ANKS1B: variants seen among roughly 807,000 people sequenced by gnomAD.
ANKS1B encodes ankyrin repeat and sterile alpha motif domain-containing protein 1B.
A neutral mutation model predicts 148.3 loss-of-function variants in ANKS1B; 36 were observed. The ratio of observed to expected loss-of-function variants is 0.24; its 90% CI spans 0.19 to 0.32. The LOEUF (loss-of-function observed/expected upper bound fraction) is 0.32, where lower values mean the gene tolerates loss of function less well. ANKS1B is among the 10% of genes least tolerant of loss of function. The pLI, the probability that ANKS1B is intolerant of heterozygous loss-of-function variation, is 1.00. For missense variants in ANKS1B, 1,157 were observed against 1,542.6 expected, an observed-to-expected ratio of 0.75 and a Z score of 4.19; for synonymous variants, 542 against 560.8, an observed-to-expected ratio of 0.97 and a Z score of 0.47.
chr12:99,466,808 AC>A (rs2096125563), intron 10 of ANKS1B, among the ~76,000 whole-genome samples: 3 of 152,146 alleles, frequency 2.0e-5, no homozygotes, highest in African/African-American at 7.2e-5. Flanking sequence ...TAGCTTACCA[AC>A]CAAAAAGAGT....
intron 16 of ANKS1B, among the ~76,000 whole-genome samples, chr12:99,081,432 T>C (rs2049732347): frequency 6.6e-6 from 1 of 152,176 alleles, no homozygotes; most frequent in South Asian, 2.1e-4. Context: ...TTTTGTCCGT[T>C]TTCTGGCAGT....
At chr12:98,802,823 T>A (rs10492278) in intron 20 of ANKS1B, among the ~76,000 whole-genome samples, 4,594 of 152,062 alleles carry the variant, frequency 0.03, 97 homozygotes, top group South Asian at 0.078. Flanking sequence ...GTTGCTGATT[T>A]ACTTTTACAT....
intron 11 of ANKS1B, among the ~76,000 whole-genome samples, chr12:99,421,657 G>C (rs2095087838): frequency 6.6e-6 from 1 of 152,200 alleles, no homozygotes; most frequent in Non-Finnish European, 1.5e-5. Flanking sequence ...GAGGCTGTTA[G>C]GAGCTTGAAG....
intron 15 of ANKS1B, among the ~76,000 whole-genome samples, chr12:99,109,077 G>A (rs930388197): frequency 2.0e-5 from 3 of 152,034 alleles, no homozygotes; most frequent in Non-Finnish European, 4.4e-5. Flanking sequence ...TTCTCTTCTC[G>A]CTCTGATACC....
chr12:99,322,774 G>A (rs1229705887), intron 12 of ANKS1B, among the ~76,000 whole-genome samples: 2 of 152,182 alleles, frequency 1.3e-5, no homozygotes, highest in African/African-American at 4.8e-5. Flanking sequence ...GTAGCTCCCA[G>A]AAGTCCTACA....
chr12:98,745,783 C>T lies in ANKS1B; in HGVS notation c.3814G>A (p.Ala1272Thr), dbSNP rs778400050. 1.2e-6 allele frequency: 2 copies of T among 1,613,788 alleles called. No individual in the cohort carries two copies. The highest frequency in any genetic ancestry group is 1.7e-6 in the Non-Finnish European group (2 of 1,179,782). Reference sequence around the variant, plus strand: ...TACTTGGTATTAATGCCCCTCTTGGCTTCTTGGCCCGGCTCCACAATCCAC... The same window carrying T: ...TACTTGGTATTAATGCCCCTCTTGGTTTCTTGGCCCGGCTCCACAATCCAC... ...LPWIVEPGQEAKRGINTKYET... is the reference protein window; with the variant it reads ...LPWIVEPGQETKRGINTKYET... The change falls in exon 27 of 27, where the codon GCC becomes ACC. Residue 1272 changes from alanine (A) to threonine (T), a missense_variant. Ala to Thr is a moderately conservative substitution (Grantham distance 58). Coordinates refer to ENST00000683438, the MANE Select transcript of ANKS1B (RefSeq NM_001352186.2).
chr12:99,345,980 G>A (rs146189413), intron 12 of ANKS1B, among the ~76,000 whole-genome samples: 250 of 151,980 alleles, frequency 1.6e-3, no homozygotes, highest in African/African-American at 5.8e-3. Flanking sequence ...AGTTACATAG[G>A]GTTTGTAAAA....
intron 10 of ANKS1B, among the ~76,000 whole-genome samples, chr12:99,486,009 G>A (rs952222880): frequency 6.6e-6 from 1 of 152,074 alleles, no homozygotes; most frequent in African/African-American, 2.4e-5. Context: ...TCAACCTTCT[G>A]AATTACTTAT....
At position 99,416,938 on chromosome 12, in the gene ANKS1B, G is replaced by A. The variant is rs573500925; in HGVS notation, c.1576-17127C>T. On this transcript the variant is annotated intron_variant, in intron 11 of 26. Coordinates refer to ENST00000683438, the MANE Select transcript of ANKS1B (RefSeq NM_001352186.2). Reference sequence around the variant, plus strand: ...AGGTGGGGAGGGAGACAGTGCAAAGGGAGAAGGGCAGGCTCTTGAGAGCGA... The same window carrying A: ...AGGTGGGGAGGGAGACAGTGCAAAGAGAGAAGGGCAGGCTCTTGAGAGCGA... Among the ~76,000 whole-genome samples the A allele has an allele frequency of 1.9e-4, 29 of 152,276 alleles. No individual in the cohort carries two copies. The South Asian group carries it at 5.8e-3, about 30-fold the overall frequency.
At chr12:99,322,634 G>C (rs2085512169) in intron 12 of ANKS1B, among the ~76,000 whole-genome samples, 1 of 152,124 alleles carries the variant, frequency 6.6e-6, no homozygotes. Context: ...TCCATGCTAT[G>C]AGAACCCTAT....
At chr12:99,240,992 A>G (rs1039926839) in intron 14 of ANKS1B, among the ~76,000 whole-genome samples, 3 of 152,232 alleles carry the variant, frequency 2.0e-5, no homozygotes, top group Admixed American at 2.0e-4. Flanking sequence ...AAAGAACTAG[A>G]GAAACAAGAG....
At chr12:99,670,086 GGT>G (rs2098529496) in intron 8 of ANKS1B, among the ~76,000 whole-genome samples, 1 of 147,724 alleles carries the variant, frequency 6.8e-6, no homozygotes, top group Non-Finnish European at 1.5e-5. Context: ...AACCTTTAAA[GGT>G]TTGACAAAAA....
At chr12:98,785,154 C>G (rs1014860449) in intron 22 of ANKS1B, among the ~76,000 whole-genome samples, 1 of 152,092 alleles carries the variant, frequency 6.6e-6, no homozygotes, top group Non-Finnish European at 1.5e-5. Flanking sequence ...ATAATCTTAG[C>G]AAAAGATGAA....
At chr12:99,732,129 G>T (rs977599877) in intron 8 of ANKS1B, among the ~76,000 whole-genome samples, 6 of 152,114 alleles carry the variant, frequency 3.9e-5, no homozygotes, top group African/African-American at 1.2e-4. Flanking sequence ...CTATTAAAAT[G>T]GCTAAAACTT....
chr12:99,219,725 G>A (rs2084791207), intron 14 of ANKS1B, among the ~76,000 whole-genome samples: 1 of 152,182 alleles, frequency 6.6e-6, no homozygotes, highest in Non-Finnish European at 1.5e-5. Flanking sequence ...AGTCTCTGAA[G>A]TCCCAGGGGT....
intron 9 of ANKS1B, among the ~76,000 whole-genome samples, chr12:99,606,413 T>TTTTAGTTATAAA (rs1255576801): frequency 1.3e-5 from 2 of 151,916 alleles, no homozygotes; most frequent in Non-Finnish European, 2.9e-5. Context: ...AATTTATAAC[T>TTTTAGTTATAAA]TTTAGTAACT....
At chr12:98,863,071 C>T (rs528178101) in intron 17 of ANKS1B, among the ~76,000 whole-genome samples, 1 of 152,296 alleles carries the variant, frequency 6.6e-6, no homozygotes, top group African/African-American at 2.4e-5. Flanking sequence ...AATTCTTAGG[C>T]CCTTGACTTA....
At chr12:98,813,207 T>A (rs1302536824) in intron 19 of ANKS1B, among the ~76,000 whole-genome samples, 1 of 151,720 alleles carries the variant, frequency 6.6e-6, no homozygotes, top group African/African-American at 2.4e-5. Flanking sequence ...TGAGTTAAGT[T>A]TTTTTGTTTT....
At chr12:99,156,749 C>T (rs570540962) in intron 14 of ANKS1B, among the ~76,000 whole-genome samples, 1 of 152,292 alleles carries the variant, frequency 6.6e-6, no homozygotes, top group South Asian at 2.1e-4. Flanking sequence ...TTTAGACCCT[C>T]TATTGTAACA....
Sources: gnomAD v4.1 joint callset for allele counts (sites outside exome capture counted in the v4.1 genomes callset) on GRCh38, gnomAD v4.1.1 for gene constraint, MANE v1.5 for transcripts, NCBI Gene and HGNC (gene_info 2026-07-23, HGNC 2026-07-21) for gene names.